Variants in CNTNAP4 observed in about 807,000 individuals in gnomAD.
The protein encoded by CNTNAP4 is contactin-associated protein-like 4.
CNTNAP4 carries 98 observed loss-of-function variants against 148.4 expected under a neutral mutation model. The ratio of observed to expected loss-of-function variants is 0.66; its 90% CI spans 0.56 to 0.78. CNTNAP4 has a LOEUF of 0.78. Among genes scored for constraint, CNTNAP4 ranks in the 30% least tolerant of loss-of-function variants. The pLI is 0.00. For synonymous variants in CNTNAP4, 730 were observed against 565.1 expected (o/e 1.29, Z -4.14); for missense variants, 1,935 against 1,565.6 (o/e 1.24, Z -3.98).
intron 4 of CNTNAP4, among the ~76,000 whole-genome samples, chr16:76,434,980 G>C (rs1030582713): frequency 2.0e-5 from 3 of 152,166 alleles, no homozygotes; most frequent in Non-Finnish European, 4.4e-5. Flanking sequence ...CTCAGAGACA[G>C]TGTCCAGTGG....
chr16:76,449,909 C>T (rs1416357272), intron 7 of CNTNAP4, 51 bp downstream of exon 7: 2 of 1,492,720 alleles, frequency 1.3e-6, no homozygotes, highest in Non-Finnish European at 1.8e-6. Flanking sequence ...CTTTTTTCCA[C>T]ACAGTAAAAT....
chr16:76,401,142 TA>T (rs1272850822), intron 3 of CNTNAP4, among the ~76,000 whole-genome samples: 1 of 152,214 alleles, frequency 6.6e-6, no homozygotes, highest in African/African-American at 2.4e-5. Flanking sequence ...ACGGCCATTT[TA>T]ATGATAGTGA....
intron 12 of CNTNAP4, among the ~76,000 whole-genome samples, chr16:76,483,613 A>G (rs1345041078): frequency 1.3e-5 from 2 of 152,166 alleles, no homozygotes; most frequent in African/African-American, 4.8e-5. Flanking sequence ...AGCACTCGAC[A>G]ACATTTCTGG....
intron 17 of CNTNAP4, among the ~76,000 whole-genome samples, chr16:76,530,137 T>G (rs1184754205): frequency 6.6e-6 from 1 of 152,164 alleles, no homozygotes; most frequent in Non-Finnish European, 1.5e-5. Flanking sequence ...CTCTGTGAGT[T>G]GATTGTGCTT....
At chr16:76,536,947 T>G (rs2084238820) in intron 18 of CNTNAP4, among the ~76,000 whole-genome samples, 1 of 152,160 alleles carries the variant, frequency 6.6e-6, no homozygotes, top group Non-Finnish European at 1.5e-5. Context: ...TTAAAACAAC[T>G]CCTGACTTAC....
intron 3 of CNTNAP4, among the ~76,000 whole-genome samples, chr16:76,402,456 C>A (rs2078452840): frequency 6.6e-6 from 1 of 151,122 alleles, no homozygotes; most frequent in African/African-American, 2.5e-5. Flanking sequence ...ATTAATCTAG[C>A]TAGCAACCTA....
intron 1 of CNTNAP4, chr16:76,316,090 G>T: frequency 2.5e-6 from 1 of 401,410 alleles, no homozygotes; most frequent in Non-Finnish European, 4.3e-6. Flanking sequence ...GTGTCTTTTG[G>T]AAACCTTAAG....
At chr16:76,482,973 A>G (rs2081890769) in intron 12 of CNTNAP4, among the ~76,000 whole-genome samples, 1 of 152,180 alleles carries the variant, frequency 6.6e-6, no homozygotes, top group African/African-American at 2.4e-5. Flanking sequence ...AGAGGACTTT[A>G]CAGAGAAAAA....
intron 8 of CNTNAP4, among the ~76,000 whole-genome samples, chr16:76,460,263 A>C (rs1027334197): frequency 6.7e-6 from 1 of 150,020 alleles, no homozygotes; most frequent in Admixed American, 6.6e-5. Flanking sequence ...ATGTGCCATC[A>C]CGCCTGGCTA....
At chr16:76,340,576 T>C (rs1964385619) in intron 2 of CNTNAP4, among the ~76,000 whole-genome samples, 1 of 152,128 alleles carries the variant, frequency 6.6e-6, no homozygotes, top group Admixed American at 6.6e-5. Flanking sequence ...CATCACCAAG[T>C]CCTGCCAATT....
chr16:76,339,593 A>T (rs1317558115), intron 2 of CNTNAP4, among the ~76,000 whole-genome samples: 1 of 152,230 alleles, frequency 6.6e-6, no homozygotes, highest in African/African-American at 2.4e-5. Flanking sequence ...AGATCGTTTG[A>T]AATGTCGCCT....
At chr16:76,424,727 C>G (rs1010310417) in intron 3 of CNTNAP4, among the ~76,000 whole-genome samples, 2 of 151,642 alleles carry the variant, frequency 1.3e-5, no homozygotes, top group East Asian at 3.9e-4. Context: ...CCACTGCACT[C>G]CAGCCTGGGT....
intron 3 of CNTNAP4, among the ~76,000 whole-genome samples, chr16:76,376,387 G>A (rs530458560): frequency 7.9e-5 from 12 of 152,260 alleles, no homozygotes; most frequent in East Asian, 3.9e-4. Flanking sequence ...ATTCGAGAGC[G>A]TATGTGATGG....
intron 18 of CNTNAP4, among the ~76,000 whole-genome samples, chr16:76,537,528 A>G (rs958957006): frequency 6.6e-6 from 1 of 152,158 alleles, no homozygotes; most frequent in Admixed American, 6.5e-5. Context: ...ACACTTTTGT[A>G]AAATGATTTA....
chr16:76,420,911 A>G (rs1221877212), intron 3 of CNTNAP4, among the ~76,000 whole-genome samples: 2 of 151,954 alleles, frequency 1.3e-5, no homozygotes. Context: ...GTGAATTTTT[A>G]TAGTTATTGT....
At chr16:76,337,812 T>A (rs577966144) in intron 2 of CNTNAP4, among the ~76,000 whole-genome samples, 1 of 152,248 alleles carries the variant, frequency 6.6e-6, no homozygotes, top group South Asian at 2.1e-4. Flanking sequence ...CCAGGGTTCT[T>A]CCTTGCTGGG....
chr16:76,400,896 A>T (rs556570263), intron 3 of CNTNAP4, among the ~76,000 whole-genome samples: 1 of 151,974 alleles, frequency 6.6e-6, no homozygotes, highest in African/African-American at 2.4e-5. Context: ...CCACTGGTCT[A>T]TGTGTCTGTT....
intron 4 of CNTNAP4, among the ~76,000 whole-genome samples, chr16:76,428,428 T>C (rs2145055088): frequency 6.6e-6 from 1 of 152,226 alleles, no homozygotes; most frequent in Non-Finnish European, 1.5e-5. Flanking sequence ...CGTTTTTTTT[T>C]TTTCTCTAGT....
chr16:76,340,464 C>A (rs1964374723), intron 2 of CNTNAP4, among the ~76,000 whole-genome samples: 1 of 152,112 alleles, frequency 6.6e-6, no homozygotes, highest in Non-Finnish European at 1.5e-5. Flanking sequence ...TGACTCTGAG[C>A]ACCACCACCC....
Sources: gnomAD v4.1 joint callset for allele counts (sites outside exome capture counted in the v4.1 genomes callset) on GRCh38, gnomAD v4.1.1 for gene constraint, MANE v1.5 for transcripts, NCBI Gene and HGNC (gene_info 2026-07-23, HGNC 2026-07-21) for gene names.